Variants in ERC1 observed in about 807,000 individuals in gnomAD.
ERC1 encodes RAB6 interacting protein 2.
In ERC1, 56 loss-of-function variants were observed where a neutral mutation model predicts 132.0. The observed-to-expected ratio is 0.42, with a 90% CI of 0.34 to 0.53. The LOEUF (loss-of-function observed/expected upper bound fraction) is 0.53, where lower values mean the gene tolerates loss of function less well. Among genes scored for constraint, ERC1 ranks in the 20% least tolerant of loss-of-function variants. ERC1 has a pLI of 0.03. For synonymous variants in ERC1, 478 were observed against 476.1 expected (o/e 1.00, Z -0.05); for missense variants, 1,202 against 1,349.9 (o/e 0.89, Z 1.72).
intron 17 of ERC1, among the ~76,000 whole-genome samples, chr12:1,414,589 A>G (rs2092018491): frequency 2.0e-5 from 3 of 152,170 alleles, no homozygotes; most frequent in Non-Finnish European, 4.4e-5. Flanking sequence ...TCCGCCCAAC[A>G]GGGAGTTCCA....
intron 16 of ERC1, among the ~76,000 whole-genome samples, chr12:1,402,549 G>T (rs192960405): frequency 6.7e-6 from 1 of 149,658 alleles, no homozygotes; most frequent in Admixed American, 6.6e-5. Context: ...AAGAAAAAAA[G>T]AAAGAACAGT....
At chr12:1,220,887 C>T (rs915095354) in intron 12 of ERC1, among the ~76,000 whole-genome samples, 1 of 152,168 alleles carries the variant, frequency 6.6e-6, no homozygotes, top group Non-Finnish European at 1.5e-5. Context: ...CGTGCCCATT[C>T]GCATTTGCTG....
rs143199242 is a variant in ERC1, at chr12:1,119,041, C to A, written c.1569+3008C>A. Among the ~76,000 whole-genome samples the A allele has an allele frequency of 6.8e-4, 103 of 152,208 alleles. 1 individual carries two copies. Among genetic ancestry groups the A allele is most frequent in the African/African-American group, 2.3e-3 (96 of 41,538 alleles). On this transcript the variant is annotated intron_variant, in intron 7 of 18. Transcript: ENST00000360905. ...TATAGGCATGTGCCACCACACCTGG[C>A]TAATTTTTAAAACTTTTTGCAGAGA...
chr12:1,452,586 G>C (rs1291797865), intron 18 of ERC1, among the ~76,000 whole-genome samples: 1 of 151,942 alleles, frequency 6.6e-6, no homozygotes, highest in Non-Finnish European at 1.5e-5. Flanking sequence ...TAGATCATTT[G>C]ATATTGTCCC....
chr12:996,568 G>C (rs1457901757), intron 1 of ERC1, among the ~76,000 whole-genome samples: 1 of 151,958 alleles, frequency 6.6e-6, no homozygotes, highest in Non-Finnish European at 1.5e-5. Context: ...ACTCCAGCCT[G>C]GGCTACATAG....
At chr12:1,208,480 C>G (rs1306270426) in intron 12 of ERC1, among the ~76,000 whole-genome samples, 1 of 152,162 alleles carries the variant, frequency 6.6e-6, no homozygotes, top group East Asian at 1.9e-4. Context: ...ATATCTTGTT[C>G]TGTTATGTGT....
chr12:1,376,358 C>T (rs1566714650), intron 16 of ERC1, among the ~76,000 whole-genome samples: 1 of 152,136 alleles, frequency 6.6e-6, no homozygotes, highest in Non-Finnish European at 1.5e-5. Context: ...AATGTCAACT[C>T]CCAAGCTACA....
chr12:1,179,332 G>T lies in ERC1; in HGVS notation c.1738-1208G>T, dbSNP rs562262660. ...GTTATTTATTTAAAGTACAGAACTG[G>T]CCAGACCACTTCTGTGCTTAAAAAT... On this transcript the variant is annotated intron_variant, in intron 8 of 18. Coordinates refer to ENST00000360905, the MANE Select transcript of ERC1 (RefSeq NM_178040.4). Among the ~76,000 whole-genome samples, 3 of 152,084 alleles carry T rather than the reference G, an allele frequency of 2.0e-5. No homozygotes were observed. The South Asian group carries it at 6.2e-4, about 32-fold the overall frequency.
chr12:1,398,356 A>G (rs2090720742), intron 16 of ERC1, among the ~76,000 whole-genome samples: 1 of 152,212 alleles, frequency 6.6e-6, no homozygotes, highest in Non-Finnish European at 1.5e-5. Flanking sequence ...TAAAAGCATT[A>G]TATTGTTAGA....
At chr12:1,329,447 G>A (rs1405059209) in intron 15 of ERC1, among the ~76,000 whole-genome samples, 1 of 151,864 alleles carries the variant, frequency 6.6e-6, no homozygotes, top group Non-Finnish European at 1.5e-5. Context: ...CCCTATTTGG[G>A]ATGCAAAGTG....
At chr12:1,046,340 T>C (rs901375684) in intron 2 of ERC1, among the ~76,000 whole-genome samples, 2 of 152,220 alleles carry the variant, frequency 1.3e-5, no homozygotes, top group Non-Finnish European at 2.9e-5. Flanking sequence ...CACCACATTA[T>C]AGCCAAATCC....
intron 15 of ERC1, among the ~76,000 whole-genome samples, chr12:1,313,840 C>A (rs1234474824): frequency 6.6e-6 from 1 of 151,930 alleles, no homozygotes; most frequent in African/African-American, 2.4e-5. Flanking sequence ...AAAAATCAGC[C>A]GGGCATGGTG....
intron 17 of ERC1, among the ~76,000 whole-genome samples, chr12:1,424,189 G>T (rs1228696634): frequency 2.0e-5 from 3 of 152,158 alleles, no homozygotes; most frequent in African/African-American, 7.2e-5. Context: ...AACTAATATT[G>T]AAGGAAGAAG....
chr12:1,464,874 T>C (rs1444017764), intron 18 of ERC1, among the ~76,000 whole-genome samples: 1 of 151,996 alleles, frequency 6.6e-6, no homozygotes, highest in Non-Finnish European at 1.5e-5. Flanking sequence ...CTGGACTCTT[T>C]AAAAAAGAGT....
chr12:1,346,924 G>A (rs2084523683), intron 15 of ERC1, among the ~76,000 whole-genome samples: 1 of 141,936 alleles, frequency 7.0e-6, no homozygotes, highest in Admixed American at 7.1e-5. Flanking sequence ...AGTCCGGCCT[G>A]GGCGACAGAG....
chr12:1,046,681 TA>T (rs1457021013), intron 2 of ERC1, among the ~76,000 whole-genome samples: 7 of 152,216 alleles, frequency 4.6e-5, no homozygotes, highest in African/African-American at 1.7e-4. Flanking sequence ...TAGTGTTTAC[TA>T]AGAAACAGGC....
intron 15 of ERC1, among the ~76,000 whole-genome samples, chr12:1,317,596 GT>G (rs142060098): frequency 0.035 from 5,259 of 152,238 alleles, 94 homozygotes; most frequent in Middle Eastern, 0.075. Context: ...GTTGAATTAG[GT>G]TAACAGTTAC....
chr12:1,046,468 TAAATA>T (rs1592925317), intron 2 of ERC1, among the ~76,000 whole-genome samples: 1 of 152,222 alleles, frequency 6.6e-6, no homozygotes, highest in East Asian at 1.9e-4. Context: ...TCAGTGTGCA[TAAATA>T]AAGTTTTATT....
chr12:1,167,739 T>C (rs1593895085), intron 8 of ERC1, among the ~76,000 whole-genome samples: 4 of 150,436 alleles, frequency 2.7e-5, no homozygotes, highest in South Asian at 2.1e-4. Context: ...TTTTCCGAGA[T>C]GGAGTCTCGC....
Sources: gnomAD v4.1 joint callset for allele counts (sites outside exome capture counted in the v4.1 genomes callset) on GRCh38, gnomAD v4.1.1 for gene constraint, MANE v1.5 for transcripts, NCBI Gene and HGNC (gene_info 2026-07-23, HGNC 2026-07-21) for gene names.